STARD3: variants seen among roughly 807,000 people sequenced by gnomAD.
STARD3 encodes the protein stAR-related lipid transfer protein 3.
Under a neutral mutation model 62.0 loss-of-function variants are expected in STARD3, and 39 were observed. The ratio of observed to expected loss-of-function variants is 0.63; its 90% CI spans 0.49 to 0.82. The LOEUF is 0.82. Ranked by LOEUF, STARD3 falls within the 40% of genes least tolerant of loss-of-function variation. STARD3 has a pLI of 0.00. For synonymous variants in STARD3, 229 were observed against 242.4 expected (o/e 0.94, Z 0.51); for missense variants, 543 against 584.5 (o/e 0.93, Z 0.73).
intron 13 of STARD3, 83 bp downstream of exon 13, chr17:39,661,168 T>A: frequency 7.8e-7 from 1 of 1,275,044 alleles, no homozygotes; most frequent in Non-Finnish European, 1.1e-6. Flanking sequence ...CATGTACAGC[T>A]GGGCACTTCC....
Position 39,658,567 on chromosome 17 carries a change from C to A in STARD3, c.547+45C>A, listed in dbSNP as rs757854910. On this transcript the variant is annotated intron_variant, in intron 6 of 14. Coordinates refer to ENST00000336308, the MANE Select transcript of STARD3 (RefSeq NM_006804.4). ...GGGGTGCAGCGAGGGTTACCCACAG[C>A]CCCAAGAGAGGGGAGTTGCGGGCAT... 1.1e-5 allele frequency: 18 copies of A among 1,588,234 alleles called. No individual in the cohort carries two copies. The South Asian group carries it at 1.5e-4, about 13-fold the overall frequency.
intron 2 of STARD3, among the ~76,000 whole-genome samples, chr17:39,655,027 CA>C (rs1314153295): frequency 1.3e-5 from 2 of 152,228 alleles, no homozygotes; most frequent in Non-Finnish European, 2.9e-5. Context: ...TGTGGCCCAG[CA>C]GGCTCAGGAC....
At position 39,644,682 on chromosome 17, in the gene STARD3, A is replaced by AG. The variant is rs1426972715; in HGVS notation, c.-52+7451_-52+7452insG. 2.6e-5 allele frequency among the ~76,000 whole-genome samples: 4 copies of AG among 151,370 alleles called. No homozygotes were observed. The East Asian group carries it at 7.7e-4, about 29-fold the overall frequency. On this transcript the variant is annotated intron_variant, in intron 1 of 14. Coordinates refer to ENST00000336308, the MANE Select transcript of STARD3 (RefSeq NM_006804.4). ...GAGACCCTGTCTCTACAAAAAAAAA[A>AG]AAAAAAGAAGAAGAAAAGAAAAGAA...
intron 8 of STARD3, 27 bp from the exon 9 acceptor site, chr17:39,659,434 C>T: frequency 6.2e-7 from 1 of 1,608,786 alleles, no homozygotes; most frequent in Non-Finnish European, 8.5e-7. Flanking sequence ...CCAGGCTGAC[C>T]CCTCCCTGCC....
chr17:39,651,850 G>A (rs2057080972), intron 1 of STARD3: 1 of 152,322 alleles, frequency 6.6e-6, no homozygotes, highest in Non-Finnish European at 1.5e-5. Context: ...TTACAGGTGT[G>A]AGCCACCGCG....
At chr17:39,646,475 ACTC>A (rs1555604238) in intron 1 of STARD3, among the ~76,000 whole-genome samples, 1 of 150,466 alleles carries the variant, frequency 6.6e-6, no homozygotes, top group Non-Finnish European at 1.5e-5. Flanking sequence ...CTGTTCTTGA[ACTC>A]CTGAGCTCAA....
intron 1 of STARD3, among the ~76,000 whole-genome samples, chr17:39,639,181 C>T (rs796600082): frequency 6.9e-4 from 105 of 152,280 alleles, no homozygotes; most frequent in African/African-American, 2.5e-3. Flanking sequence ...TTTTTAATTT[C>T]ATAAGTTGCC....
intron 1 of STARD3, among the ~76,000 whole-genome samples, chr17:39,648,637 C>T (rs1177413093): frequency 6.6e-6 from 1 of 152,158 alleles, no homozygotes; most frequent in African/African-American, 2.4e-5. Flanking sequence ...TACAGGCTGT[C>T]ATTTGGACTT....
chr17:39,660,707 C>A lies in STARD3; in HGVS notation c.955-103C>A. On this transcript the variant is annotated intron_variant, in intron 11 of 14. Coordinates refer to ENST00000336308, the MANE Select transcript of STARD3 (RefSeq NM_006804.4). This position sits in a 1 kb window ranked among gnomAD's most constrained non-coding sequence, Gnocchi z 4.8. ...AGTGCTCATCAGGCGCTGCCCAGGGCCTGCCTGTGGCAATAGCAGTTAGTA... is the reference window on the plus strand; with the variant it reads ...AGTGCTCATCAGGCGCTGCCCAGGGACTGCCTGTGGCAATAGCAGTTAGTA... 7.0e-7 allele frequency: 1 copy of A among 1,436,418 alleles called. No individual in the cohort carries two copies. 89.0% of individuals were successfully genotyped at this position (1,436,418 alleles called of 1,614,324 possible). A position where few individuals can be genotyped will look rare whatever the true frequency, so the allele number is the denominator to read the frequency against.
chr17:39,646,330 G>GTTTGTTGTTTTTTGTTTTGAGA, intron 1 of STARD3, among the ~76,000 whole-genome samples: 1 of 152,214 alleles, frequency 6.6e-6, no homozygotes, highest in African/African-American at 2.4e-5. Context: ...TCAGCCCACT[G>GTTTGTTGTTTTTTGTTTTGAGA]CAACCTCCAC....
chr17:39,645,512 C>T lies in STARD3; in HGVS notation c.-51-7969C>T, dbSNP rs573030626. 3.2e-4 allele frequency among the ~76,000 whole-genome samples: 48 copies of T among 152,270 alleles called. 2 individuals are homozygous for T. In the South Asian group the frequency reaches 8.7e-3, roughly 28 times the overall value. ...TGAGACAGAGTCTCACTGTGTCACCCGGGCGGGGGTGCAATGGTGTGATCT... is the reference window on the plus strand; with the variant it reads ...TGAGACAGAGTCTCACTGTGTCACCTGGGCGGGGGTGCAATGGTGTGATCT... On this transcript the variant is annotated intron_variant, in intron 1 of 14. Coordinates refer to ENST00000336308, the MANE Select transcript of STARD3 (RefSeq NM_006804.4).
At position 39,660,786 on chromosome 17, in the gene STARD3, A is replaced by G; in HGVS notation, c.955-24A>G. The stretch of plus-strand genomic sequence containing the variant: ...GGTTTTCCTGGGGCGACCTGTTCCA[A>G]AAGTCTCCGTTGACGGCCCTCAGAT... On this transcript the variant is annotated intron_variant, in intron 11 of 14. Transcript: ENST00000336308. This position sits in a 1 kb window ranked among gnomAD's most constrained non-coding sequence, Gnocchi z 4.8. 6.4e-7 allele frequency: 1 copy of G among 1,557,506 alleles called. No individual in the cohort carries two copies. The highest frequency in any genetic ancestry group is 8.7e-7 in the Non-Finnish European group (1 of 1,152,264).
intron 2 of STARD3, among the ~76,000 whole-genome samples, chr17:39,655,914 A>G (rs1252267254): frequency 2.6e-5 from 4 of 151,236 alleles, no homozygotes; most frequent in Non-Finnish European, 4.4e-5. Context: ...GAAGGAGGAC[A>G]GAGCTCTGAG....
At chr17:39,658,063 C>T in intron 5 of STARD3, 37 bp downstream of exon 5, 1 of 1,547,274 alleles carries the variant, frequency 6.5e-7, no homozygotes, top group South Asian at 1.2e-5. Flanking sequence ...TGGTGGGCAT[C>T]AGACCTGAGT....
intron 1 of STARD3, among the ~76,000 whole-genome samples, chr17:39,646,734 C>A (rs1182055026): frequency 6.6e-6 from 1 of 152,146 alleles, no homozygotes; most frequent in Non-Finnish European, 1.5e-5. Context: ...CACCCAAAAC[C>A]CTATTACAAG....
At chr17:39,653,851 G>A in intron 2 of STARD3, 101 bp downstream of exon 2, 2 of 1,345,986 alleles carry the variant, frequency 1.5e-6, no homozygotes, top group South Asian at 2.5e-5. Context: ...CCTGGGGTTG[G>A]TTAGCTGGGT....
At chr17:39,637,594 A>G (rs999979876) in intron 1 of STARD3, 2 of 152,158 alleles carry the variant, frequency 1.3e-5, no homozygotes, top group African/African-American at 4.8e-5. Flanking sequence ...ACATCTACGC[A>G]TTCCGGTAGC....
chr17:39,656,790 G>T (rs569558451), intron 2 of STARD3: 1 of 555,442 alleles, frequency 1.8e-6, no homozygotes, highest in Non-Finnish European at 3.2e-6. Context: ...GCCCATCGGG[G>T]CGGCCTGGAT....
At chr17:39,652,938 T>C (rs1274088320) in intron 1 of STARD3, 1 of 157,008 alleles carries the variant, frequency 6.4e-6, no homozygotes, top group Non-Finnish European at 1.4e-5. Context: ...GGGACCAAGA[T>C]GCCTGCTCTC....
Sources: gnomAD v4.1 joint callset for allele counts (sites outside exome capture counted in the v4.1 genomes callset) on GRCh38, gnomAD v4.1.1 for gene constraint, Gnocchi (gnomAD v3.1) non-coding constraint, MANE v1.5 for transcripts, NCBI Gene and HGNC (gene_info 2026-07-23, HGNC 2026-07-21) for gene names.